Variants in ACCSL observed in about 807,000 individuals in gnomAD.
The protein encoded by ACCSL is probable inactive 1-aminocyclopropane-1-carboxylate synthase-like protein 2.
In ACCSL, 55 loss-of-function variants were observed where a neutral mutation model predicts 61.7. The observed-to-expected ratio is 0.89, with a 90% CI of 0.72 to 1.12. The LOEUF is 1.12. Ranked by LOEUF, ACCSL falls within the 50% of genes most tolerant of loss-of-function variation. The pLI, the probability that ACCSL is intolerant of heterozygous loss-of-function variation, is 0.00. For synonymous variants in ACCSL, 258 were observed against 264.3 expected (o/e 0.98, Z 0.23); for missense variants, 632 against 698.0 (o/e 0.91, Z 1.07).
chr11:43,943,858 TAA>T, the ACCSL span: 2 of 1,274,492 alleles, frequency 1.6e-6, no homozygotes, highest in Admixed American at 2.5e-5. The surrounding 1 kb of genome is among the most constrained non-coding windows in gnomAD (Gnocchi z 4.8). Context: ...AGGAGACAAA[TAA>T]AGTCAATATA....
At chr11:44,025,487 T>C in the ACCSL span, among the ~76,000 whole-genome samples, 11 of 152,176 alleles carry the variant, frequency 7.2e-5, no homozygotes, top group African/African-American at 2.2e-4. Flanking sequence ...TCTACTATTG[T>C]TGGCATACAA....
chr11:44,012,684 A>G, the ACCSL span, among the ~76,000 whole-genome samples: 33 of 152,252 alleles, frequency 2.2e-4, 1 homozygote, highest in African/African-American at 7.5e-4. Flanking sequence ...AATCTATCTC[A>G]TGGATATACT....
the ACCSL span, chr11:43,942,449 T>C: frequency 1.4e-5 from 3 of 213,602 alleles, no homozygotes; most frequent in South Asian, 1.3e-4. Flanking sequence ...GGGCCTGCCT[T>C]CCGGAGCCGG....
chr11:43,952,267 CT>C, the ACCSL span, among the ~76,000 whole-genome samples: 1 of 152,200 alleles, frequency 6.6e-6, no homozygotes, highest in South Asian at 2.1e-4. Context: ...TCGTTCCTTT[CT>C]TTGTGTTCAT....
At chr11:43,979,320 A>T in the ACCSL span, among the ~76,000 whole-genome samples, 2 of 152,300 alleles carry the variant, frequency 1.3e-5, no homozygotes, top group East Asian at 3.9e-4. Context: ...TGATGCAGCA[A>T]GACCCTGTCT....
intron 11 of ACCSL, among the ~76,000 whole-genome samples, chr11:44,057,405 T>C (rs1952677987): frequency 6.6e-6 from 1 of 152,224 alleles, no homozygotes; most frequent in Non-Finnish European, 1.5e-5. Flanking sequence ...TCCCTAGATA[T>C]CAAGACCTTT....
chr11:43,946,709 T>C, the ACCSL span, among the ~76,000 whole-genome samples: 2 of 152,216 alleles, frequency 1.3e-5, no homozygotes, highest in African/African-American at 4.8e-5. Flanking sequence ...TGCCCCACTA[T>C]TTAGTATAAA....
chr11:43,924,098 G>A, the ACCSL span, among the ~76,000 whole-genome samples: 1 of 152,226 alleles, frequency 6.6e-6, no homozygotes, highest in Admixed American at 6.5e-5. Flanking sequence ...GGGAAAGTGG[G>A]GAGGGAGCTT....
chr11:44,059,711 G>A, intron 13 of ACCSL, 127 bp from the exon 14 acceptor site: 1 of 655,078 alleles, frequency 1.5e-6, no homozygotes, highest in Non-Finnish European at 2.6e-6. Flanking sequence ...CCCAAAGGTG[G>A]GAGGGCTGAA....
chr11:44,037,584 G>A, the ACCSL span, among the ~76,000 whole-genome samples: 2 of 152,214 alleles, frequency 1.3e-5, no homozygotes, highest in South Asian at 4.1e-4. Context: ...TGTTACAGCT[G>A]CTGTAGTCAG....
the ACCSL span, chr11:43,925,293 G>A: frequency 2.2e-6 from 1 of 448,992 alleles, no homozygotes; most frequent in South Asian, 1.6e-5. Flanking sequence ...CAAATGCTTA[G>A]GCCAGTGTTC....
the ACCSL span, among the ~76,000 whole-genome samples, chr11:44,003,597 C>T: frequency 8.9e-3 from 1,351 of 151,254 alleles, 12 homozygotes; most frequent in Non-Finnish European, 0.013. Context: ...GAGCTGAGAT[C>T]GCGCCACTAC....
At chr11:44,034,718 G>C in the ACCSL span, among the ~76,000 whole-genome samples, 1 of 152,150 alleles carries the variant, frequency 6.6e-6, no homozygotes, top group Admixed American at 6.5e-5. Context: ...TGGAAATTGT[G>C]GGAGCTACAA....
the ACCSL span, among the ~76,000 whole-genome samples, chr11:43,946,260 A>T: frequency 1.3e-5 from 2 of 152,030 alleles, no homozygotes; most frequent in African/African-American, 4.8e-5. Flanking sequence ...CACCATGCCC[A>T]GCTAACTTTT....
the ACCSL span, chr11:43,942,939 G>T: frequency 6.8e-7 from 1 of 1,463,392 alleles, no homozygotes; most frequent in East Asian, 3.0e-5. Flanking sequence ...ATGGGCATCT[G>T]CTCCAGTTAC....
the ACCSL span, among the ~76,000 whole-genome samples, chr11:44,027,806 A>T: frequency 0.4 from 60,977 of 152,150 alleles, 12,719 homozygotes; most frequent in Admixed American, 0.42. Context: ...TTTGTACACC[A>T]AACCCATGAC....
the ACCSL span, among the ~76,000 whole-genome samples, chr11:43,983,343 T>C: frequency 6.6e-6 from 1 of 152,210 alleles, no homozygotes; most frequent in Admixed American, 6.5e-5. Context: ...AAAAGAATTA[T>C]TTTGCATTCA....
the ACCSL span, among the ~76,000 whole-genome samples, chr11:43,937,837 A>G: frequency 6.6e-6 from 1 of 152,208 alleles, no homozygotes; most frequent in South Asian, 2.1e-4. Flanking sequence ...TCACTCCTGT[A>G]ATCGTTACAG....
the ACCSL span, chr11:43,995,170 G>A: frequency 6.6e-6 from 1 of 152,198 alleles, no homozygotes; most frequent in African/African-American, 2.4e-5. Flanking sequence ...GGTATTTCAG[G>A]GGAGGGGGAA....
Sources: gnomAD v4.1 joint callset for allele counts (sites outside exome capture counted in the v4.1 genomes callset) on GRCh38, gnomAD v4.1.1 for gene constraint, Gnocchi (gnomAD v3.1) non-coding constraint, MANE v1.5 for transcripts, NCBI Gene and HGNC (gene_info 2026-07-23, HGNC 2026-07-21) for gene names.